The following DERPC variants were observed in gnomAD, a reference collection of about 807,000 sequenced individuals.
The protein encoded by DERPC is DERPC proline and glycine rich nuclear protein.
Under a neutral mutation model 7.2 loss-of-function variants are expected in DERPC, and 1 was observed. The ratio of observed to expected loss-of-function variants is 0.14; its 90% CI spans 0.05 to 0.66. The LOEUF is 0.66. Ranked by LOEUF, DERPC falls within the 30% of genes least tolerant of loss-of-function variation. DERPC has a pLI of 0.84. For missense variants in DERPC, 502 were observed against 299.4 expected, an observed-to-expected ratio of 1.68 and a Z score of -4.99; for synonymous variants, 185 against 117.6, an observed-to-expected ratio of 1.57 and a Z score of -3.71.
chr16:69,129,983 C>A (rs925738031), intron 1 of DERPC, among the ~76,000 whole-genome samples: 2 of 152,144 alleles, frequency 1.3e-5, no homozygotes, highest in African/African-American at 4.8e-5. Flanking sequence ...AAAGCTTTAC[C>A]CTCTGCTCCT....
rs1434956115 is a variant in DERPC, at chr16:69,119,090, C to T, written c.1339G>A (p.Gly447Arg). The change falls in exon 3 of 3, where the codon GGG (glycine) becomes AGG (arginine). Residue 447 changes from glycine (G) to arginine (R), a missense_variant. Physicochemically the swap from Gly to Arg is moderately radical, Grantham distance 125. Coordinates refer to ENST00000519520, the MANE Select transcript of DERPC (RefSeq NM_001002847.4). ...CCAGCTGGAGAAGGGCCCAGATGCC[C>T]GGCAGCTGGCCTGGGGAAAGTAACT... ...GQVTFPRPAA[G>R]HLGPSPAGPV... 7.0e-5 allele frequency: 49 copies of T among 703,000 alleles called. No homozygotes were observed. The highest frequency in any genetic ancestry group is 4.6e-4 in the Middle Eastern group (2 of 4,348). The allele number at this position is 703,000 out of a possible 1,614,324, so 43.5% of individuals were successfully genotyped here. A position where few individuals can be genotyped will look rare whatever the true frequency, so the allele number is the denominator to read the frequency against.
chr16:69,127,531 G>A (rs549323383), intron 1 of DERPC, among the ~76,000 whole-genome samples: 1 of 150,966 alleles, frequency 6.6e-6, no homozygotes, highest in East Asian at 2.0e-4. Flanking sequence ...CTGAAGGCAC[G>A]ATTTGATGAA....
intron 1 of DERPC, among the ~76,000 whole-genome samples, chr16:69,124,147 C>G (rs1372850972): frequency 6.6e-6 from 1 of 151,574 alleles, no homozygotes; most frequent in Admixed American, 6.6e-5. Flanking sequence ...TCATTTTATA[C>G]AACAGCAGCA....
intron 1 of DERPC, among the ~76,000 whole-genome samples, chr16:69,125,876 T>C (rs1198431542): frequency 6.6e-6 from 1 of 152,240 alleles, no homozygotes; most frequent in African/African-American, 2.4e-5. Flanking sequence ...GATTATGTCC[T>C]ATGAAACTAT....
At chr16:69,121,965 G>A (rs1961706452) in intron 1 of DERPC, among the ~76,000 whole-genome samples, 1 of 151,490 alleles carries the variant, frequency 6.6e-6, no homozygotes, top group African/African-American at 2.4e-5. Flanking sequence ...CACCGCGCCC[G>A]GCCCTAGAGA....
At chr16:69,121,351 G>A (rs953968974) in intron 2 of DERPC, 85 bp downstream of exon 2, 1 of 1,314,986 alleles carries the variant, frequency 7.6e-7, no homozygotes, top group African/African-American at 1.5e-5. Flanking sequence ...ATGCACCTAA[G>A]GACCCTGATT....
intron 1 of DERPC, among the ~76,000 whole-genome samples, chr16:69,122,560 G>GTTTTA (rs1961758644): frequency 1.4e-5 from 2 of 144,126 alleles, no homozygotes; most frequent in Non-Finnish European, 3.0e-5. Context: ...TTTTTTTTTG[G>GTTTTA]GAGGGAGTCT....
chr16:69,120,572 A>G lies in DERPC; in HGVS notation c.-144T>C. ...CCTGATCCCCAGGAGTGTGTTTGAC[A>G]AGGACTGCAAAAGGTTTCTCCAGGT... On this transcript the variant is annotated 5_prime_UTR_variant, in exon 3 of 3. Transcript: ENST00000519520. The surrounding 1 kb of genome is among the most constrained non-coding windows in gnomAD (Gnocchi z 4.0). The G allele has an allele frequency of 6.2e-7, 1 of 1,614,044 alleles. No individual in the cohort carries two copies. The highest frequency in any genetic ancestry group is 8.5e-7 in the Non-Finnish European group (1 of 1,179,998).
chr16:69,122,865 G>C (rs964272537), intron 1 of DERPC, among the ~76,000 whole-genome samples: 1 of 151,884 alleles, frequency 6.6e-6, no homozygotes, highest in Non-Finnish European at 1.5e-5. Context: ...TTTTAGTAGA[G>C]ATGGGGTTTC....
In DERPC at chr16:69,119,130, T is replaced by C. The variant is rs973345955; in HGVS notation, c.1299A>G (p.Pro433=). Residue 433 remains proline (P), a synonymous_variant, in exon 3 of 3, where the codon CCA becomes CCG. Transcript: ENST00000519520. ...SPTTFPRSTG[P]LGPGQVTFPR... Reference sequence around the variant, plus strand: ...GGAAAGTAACTTGACCAGGGCCTAATGGGCCAGTAGACCTTGGGAAGGTAG... The same window carrying C: ...GGAAAGTAACTTGACCAGGGCCTAACGGGCCAGTAGACCTTGGGAAGGTAG... 4 of 702,936 alleles carry C rather than the reference T, an allele frequency of 5.7e-6. No homozygotes were observed. The highest frequency in any genetic ancestry group is 3.5e-5 in the African/African-American group (2 of 57,282). 43.5% of individuals were successfully genotyped at this position (702,936 alleles called of 1,614,324 possible). A position where few individuals can be genotyped will look rare whatever the true frequency, so the allele number is the denominator to read the frequency against.
rs749100832 is a variant in DERPC at position 69,121,502 on chromosome 16, A to G, written c.-279-9T>C. ...AAGCAAGTGAAAACAAGCTGTAGAG[A>G]GAAAAAAAGAGATTTAGGGTAATAA... On this transcript the variant is annotated splice_polypyrimidine_tract_variant and intron_variant, in intron 1 of 2. Transcript: ENST00000519520. The G allele has an allele frequency of 9.0e-5, 137 of 1,530,218 alleles. No individual in the cohort carries two copies. Among genetic ancestry groups the G allele is most frequent in the Non-Finnish European group, 1.2e-4 (132 of 1,121,378 alleles). The allele number at this position is 1,530,218 out of a possible 1,614,324, so 94.8% of individuals were successfully genotyped here.
chr16:69,121,003 T>C, intron 2 of DERPC: 1 of 1,496,732 alleles, frequency 6.7e-7, no homozygotes, highest in Non-Finnish European at 9.3e-7. Flanking sequence ...ACCACCTTGG[T>C]GTAGCTTGCT....
Position 69,120,586 on chromosome 16 carries a change from G to T in DERPC, c.-158C>A. 4 of 1,614,012 alleles carry T rather than the reference G, an allele frequency of 2.5e-6. No homozygotes were observed. The highest frequency in any genetic ancestry group is 3.4e-6 in the Non-Finnish European group (4 of 1,179,970). On this transcript the variant is annotated 5_prime_UTR_variant, in exon 3 of 3. Coordinates refer to ENST00000519520, the MANE Select transcript of DERPC (RefSeq NM_001002847.4). This position sits in a 1 kb window ranked among gnomAD's most constrained non-coding sequence, Gnocchi z 4.0. ...GTGTGTTTGACAAGGACTGCAAAAG[G>T]TTTCTCCAGGTGGATGATTTTCCCA...
chr16:69,128,271 G>A (rs552583131), intron 1 of DERPC, among the ~76,000 whole-genome samples: 1 of 152,128 alleles, frequency 6.6e-6, no homozygotes, highest in Admixed American at 6.5e-5. Flanking sequence ...CATGTCTTTC[G>A]TTAGGAACAA....
chr16:69,130,642 G>T (rs1962430842), intron 1 of DERPC, among the ~76,000 whole-genome samples: 1 of 152,326 alleles, frequency 6.6e-6, no homozygotes, highest in South Asian at 2.1e-4. Context: ...GCTGTTGCAA[G>T]AACGAGTAAT....
chr16:69,129,682 C>A (rs1361465830), intron 1 of DERPC, among the ~76,000 whole-genome samples: 1 of 152,160 alleles, frequency 6.6e-6, no homozygotes, highest in Non-Finnish European at 1.5e-5. Context: ...GAACCCTAAC[C>A]CCTCCACAAT....
chr16:69,127,190 A>G (rs1384179918), intron 1 of DERPC, among the ~76,000 whole-genome samples: 4 of 151,386 alleles, frequency 2.6e-5, no homozygotes, highest in East Asian at 1.9e-4. Context: ...GTGAGCTGAG[A>G]TTGCGCCACC....
intron 1 of DERPC, among the ~76,000 whole-genome samples, chr16:69,122,844 A>G (rs1173864616): frequency 6.7e-6 from 1 of 149,770 alleles, no homozygotes; most frequent in Non-Finnish European, 1.5e-5. Context: ...ACCTGGCTTA[A>G]TTTTTGTTAT....
chr16:69,128,737 G>A (rs1962271671), intron 1 of DERPC, among the ~76,000 whole-genome samples: 1 of 152,018 alleles, frequency 6.6e-6, no homozygotes, highest in Non-Finnish European at 1.5e-5. Flanking sequence ...ACCAGCATTT[G>A]GCTTCTCTCT....
Sources: gnomAD v4.1 joint callset for allele counts (sites outside exome capture counted in the v4.1 genomes callset) on GRCh38, gnomAD v4.1.1 for gene constraint, Gnocchi (gnomAD v3.1) non-coding constraint, MANE v1.5 for transcripts, NCBI Gene and HGNC (gene_info 2026-07-23, HGNC 2026-07-21) for gene names.